The following GRM8 variants were observed in gnomAD, a reference collection of about 807,000 sequenced individuals.
The protein encoded by GRM8 is glutamate metabotropic receptor 8.
In GRM8, 47 loss-of-function variants were observed where a neutral mutation model predicts 87.2. The observed-to-expected ratio is 0.54, with a 90% CI of 0.43 to 0.69. The LOEUF (loss-of-function observed/expected upper bound fraction) is 0.69, where lower values mean the gene tolerates loss of function less well. Ranked by LOEUF, GRM8 falls within the 30% of genes least tolerant of loss-of-function variation. GRM8 has a pLI of 0.00. For missense variants in GRM8, 1,019 were observed against 1,139.2 expected (o/e 0.89, Z 1.52); for synonymous variants, 396 against 404.5 (o/e 0.98, Z 0.25).
At chr7:126,800,114 A>G (rs1206343973) in intron 6 of GRM8, among the ~76,000 whole-genome samples, 1 of 152,098 alleles carries the variant, frequency 6.6e-6, no homozygotes, top group African/African-American at 2.4e-5. Flanking sequence ...CTAACTTTCA[A>G]GTTTTTTTTA....
At chr7:126,656,643 A>G (rs1473772210) in intron 7 of GRM8, among the ~76,000 whole-genome samples, 1 of 152,140 alleles carries the variant, frequency 6.6e-6, no homozygotes, top group Non-Finnish European at 1.5e-5. Flanking sequence ...ACTCTAGCCT[A>G]GATGACAAAG....
Position 127,025,310 on chromosome 7 carries a change from T to C in GRM8, c.727+81186A>G, listed in dbSNP as rs79347427. Among the ~76,000 whole-genome samples the C allele has an allele frequency of 8.5e-3, 1,294 of 152,196 alleles. 28 individuals are homozygous for C. The highest frequency in any genetic ancestry group is 0.029 in the African/African-American group (1,222 of 41,550). On this transcript the variant is annotated intron_variant, in intron 3 of 10. Transcript: ENST00000339582. ...CATAATCTCCTTAAACTTCTTACTCTTCTTTCCTCAGACACTAGACCCTTG... is the reference window on the plus strand; with the variant it reads ...CATAATCTCCTTAAACTTCTTACTCCTCTTTCCTCAGACACTAGACCCTTG...
At chr7:126,535,362 C>T (rs1584979809) in intron 8 of GRM8, among the ~76,000 whole-genome samples, 1 of 152,182 alleles carries the variant, frequency 6.6e-6, no homozygotes, top group African/African-American at 2.4e-5. Context: ...TGATGCAGGA[C>T]AGACGAGCCC....
intron 6 of GRM8, among the ~76,000 whole-genome samples, chr7:126,790,859 G>A (rs2151672980): frequency 6.6e-6 from 1 of 152,252 alleles, no homozygotes; most frequent in Middle Eastern, 3.4e-3. Context: ...AGAATCCAGG[G>A]CTCTGGGTAG....
At chr7:126,837,170 G>T (rs1270208526) in intron 6 of GRM8, among the ~76,000 whole-genome samples, 1 of 152,016 alleles carries the variant, frequency 6.6e-6, no homozygotes, top group Admixed American at 6.6e-5. Flanking sequence ...CTCACATTTA[G>T]TACTAATAAA....
intron 2 of GRM8, among the ~76,000 whole-genome samples, chr7:127,208,446 G>A (rs945888426): frequency 6.6e-6 from 1 of 152,162 alleles, no homozygotes; most frequent in African/African-American, 2.4e-5. Flanking sequence ...CCAGACCACA[G>A]GCTATAACCC....
chr7:127,073,809 T>C (rs1821973598), intron 3 of GRM8, among the ~76,000 whole-genome samples: 1 of 152,096 alleles, frequency 6.6e-6, no homozygotes, highest in African/African-American at 2.4e-5. Context: ...TTTTCAGACA[T>C]TTTTATATAT....
chr7:126,852,654 G>A (rs1473272964), intron 6 of GRM8, among the ~76,000 whole-genome samples: 1 of 152,050 alleles, frequency 6.6e-6, no homozygotes, highest in African/African-American at 2.4e-5. Context: ...TGTATTGAGA[G>A]TATTTTCTTT....
At chr7:126,825,288 A>T (rs184829829) in intron 6 of GRM8, among the ~76,000 whole-genome samples, 1 of 152,144 alleles carries the variant, frequency 6.6e-6, no homozygotes, top group African/African-American at 2.4e-5. Flanking sequence ...GGATGGTCTC[A>T]ATCTCCTGAC....
chr7:126,614,335 C>G (rs895528282), intron 7 of GRM8, among the ~76,000 whole-genome samples: 1 of 152,114 alleles, frequency 6.6e-6, no homozygotes. Context: ...TAGAAGGAAA[C>G]TAACAGACAG....
Position 126,685,750 on chromosome 7 carries a change from G to T in GRM8, c.1358-76252C>A, listed in dbSNP as rs760576799. ...GACAGCGGGGTACTGGCCTGCAGGC[G>T]CCCCTTGGCATGAACGGTCTGGGTG... On this transcript the variant is annotated intron_variant, in intron 7 of 10. Coordinates refer to ENST00000339582, the MANE Select transcript of GRM8 (RefSeq NM_000845.3). This position sits in a 1 kb window ranked among gnomAD's most constrained non-coding sequence, Gnocchi z 4.2. 6.6e-6 allele frequency among the ~76,000 whole-genome samples: 1 copy of T among 152,074 alleles called. No individual in the cohort carries two copies. The highest frequency in any genetic ancestry group is 1.5e-5 in the Non-Finnish European group (1 of 67,984).
At chr7:126,737,409 TA>T (rs1814360275) in intron 7 of GRM8, among the ~76,000 whole-genome samples, 1 of 151,898 alleles carries the variant, frequency 6.6e-6, no homozygotes, top group Non-Finnish European at 1.5e-5. Flanking sequence ...AAATTATCCT[TA>T]AAAACTCTGA....
intron 9 of GRM8, among the ~76,000 whole-genome samples, chr7:126,474,244 T>C (rs888472604): frequency 1.3e-5 from 2 of 148,748 alleles, no homozygotes; most frequent in East Asian, 3.9e-4. Context: ...TCATATATGT[T>C]TGTGCATGTG....
chr7:126,512,375 T>C (rs1398080315), intron 9 of GRM8: 1 of 152,114 alleles, frequency 6.6e-6, no homozygotes, highest in Non-Finnish European at 1.5e-5. Context: ...AGATCCCATA[T>C]TTCCTGGTAG....
At chr7:127,219,683 G>T (rs1401234148) in intron 2 of GRM8, 3 of 152,166 alleles carry the variant, frequency 2.0e-5, no homozygotes, top group Non-Finnish European at 4.4e-5. Flanking sequence ...TGATGTTCCT[G>T]CCCAGGCCTA....
rs17869648 is a variant in GRM8 at position 127,243,452 on chromosome 7, T to C, written c.-248A>G. ...GGTGCAAAAATTAGAACATCTGAGG[T>C]TCTGATGTTGGGATGAGGTCAACAA... On this transcript the variant is annotated 5_prime_UTR_variant, in exon 2 of 11. Coordinates refer to ENST00000339582, the MANE Select transcript of GRM8 (RefSeq NM_000845.3). 428 of 499,130 alleles carry C rather than the reference T, an allele frequency of 8.6e-4. No homozygotes were observed. Among genetic ancestry groups the C allele is most frequent in the Non-Finnish European group, 1.2e-3 (353 of 283,710 alleles). 30.9% of individuals were successfully genotyped at this position (499,130 alleles called of 1,614,324 possible).
intron 6 of GRM8, among the ~76,000 whole-genome samples, chr7:126,801,538 A>ACATTAAACAAGTTTAATG (rs765577735): frequency 5.3e-5 from 7 of 132,862 alleles, no homozygotes; most frequent in East Asian, 2.0e-4. Flanking sequence ...AGGGCACCAA[A>ACATTAAACAAGTTTAATG]ATAGTATTAC....
At chr7:127,021,392 A>C (rs1816252598) in intron 3 of GRM8, among the ~76,000 whole-genome samples, 1 of 147,616 alleles carries the variant, frequency 6.8e-6, no homozygotes, top group Non-Finnish European at 1.5e-5. Context: ...CCCAAGCCTA[A>C]ACTGTTGTTT....
intron 6 of GRM8, among the ~76,000 whole-genome samples, chr7:126,838,968 C>T (rs752351666): frequency 9.9e-5 from 15 of 152,266 alleles, no homozygotes; most frequent in African/African-American, 2.4e-4. Flanking sequence ...TTCTGAAGAA[C>T]GGCATTTGGT....
Sources: allele counts gnomAD v4.1 joint callset (sites outside exome capture counted in the v4.1 genomes callset), GRCh38; gene constraint gnomAD v4.1.1; non-coding constraint Gnocchi (gnomAD v3.1); transcripts MANE v1.5; gene names NCBI Gene and HGNC (gene_info 2026-07-23, HGNC 2026-07-21).